The following KNTC1 variants were observed in gnomAD, a reference collection of about 807,000 sequenced individuals.
KNTC1 encodes the protein kinetochore-associated protein 1.
KNTC1 carries 253 observed loss-of-function variants against 314.4 expected under a neutral mutation model. That is an observed-to-expected ratio of 0.80 (90% CI 0.73 to 0.89). The LOEUF (loss-of-function observed/expected upper bound fraction) is 0.89. KNTC1 is among the 40% of genes least tolerant of loss of function. The pLI, the probability that KNTC1 is intolerant of heterozygous loss-of-function variation, is 0.00. For synonymous variants in KNTC1, 901 were observed against 901.4 expected, an observed-to-expected ratio of 1.00 and a Z score of 0.01; for missense variants, 2,475 against 2,572.9, an observed-to-expected ratio of 0.96 and a Z score of 0.82.
chr12:122,594,510 C>A, intron 43 of KNTC1, 125 bp downstream of exon 43: 1 of 618,110 alleles, frequency 1.6e-6, no homozygotes, highest in Non-Finnish European at 2.9e-6. Context: ...TGCTCATTCC[C>A]AAACTGAGTA....
At chr12:122,566,703 C>T (rs1022670556) in intron 20 of KNTC1, among the ~76,000 whole-genome samples, 10 of 151,562 alleles carry the variant, frequency 6.6e-5, no homozygotes, top group African/African-American at 2.4e-4. Context: ...GCCACTGCAC[C>T]CAGCCAACTT....
chr12:122,566,772 T>TC (rs1964374795), intron 20 of KNTC1, among the ~76,000 whole-genome samples: 1 of 145,348 alleles, frequency 6.9e-6, no homozygotes, highest in Non-Finnish European at 1.5e-5. Flanking sequence ...TTTTTTTTTT[T>TC]TTTTTTTGAG....
intron 12 of KNTC1, 89 bp downstream of exon 12, chr12:122,548,058 A>G: frequency 2.9e-6 from 2 of 694,778 alleles, no homozygotes; most frequent in Non-Finnish European, 4.6e-6. Context: ...ATAGTACAGC[A>G]TATTAGCTCT....
intron 30 of KNTC1, 43 bp from the exon 31 acceptor site, chr12:122,577,629 C>G: frequency 6.3e-7 from 1 of 1,575,070 alleles, no homozygotes; most frequent in Non-Finnish European, 8.6e-7. Flanking sequence ...CCGTCCTTTG[C>G]AAATACCAGC....
intron 3 of KNTC1, 111 bp from the exon 4 acceptor site, chr12:122,538,228 A>T (rs1962002018): frequency 3.2e-6 from 2 of 627,944 alleles, no homozygotes; most frequent in Non-Finnish European, 5.7e-6. Context: ...TGCAGTATTT[A>T]GAAGTAACTT....
rs915821180 is a variant in KNTC1 at position 122,602,757 on chromosome 12, T to A, written c.4825+17T>A. On this transcript the variant is annotated intron_variant, in intron 46 of 63. Coordinates refer to ENST00000333479, the MANE Select transcript of KNTC1 (RefSeq NM_014708.6). ...AAATTCTCTGTATGTGTTCATTAACTTTTTATGAATTTTACTGGATAGCCA... is the reference window on the plus strand; with the variant it reads ...AAATTCTCTGTATGTGTTCATTAACATTTTATGAATTTTACTGGATAGCCA... 6.2e-7 allele frequency: 1 copy of A among 1,612,144 alleles called. No homozygotes were observed.
At chr12:122,572,337 G>A (rs1351237394) in intron 24 of KNTC1, among the ~76,000 whole-genome samples, 2 of 152,094 alleles carry the variant, frequency 1.3e-5, no homozygotes, top group Non-Finnish European at 2.9e-5. Flanking sequence ...AGAGGTTGCA[G>A]TGAGCCGAGA....
At chr12:122,547,831 A>G (rs1962903951) in intron 11 of KNTC1, 84 bp from the exon 12 acceptor site, 1 of 789,646 alleles carries the variant, frequency 1.3e-6, no homozygotes, top group South Asian at 1.9e-5. Context: ...GGCAAAGCCT[A>G]CTTTTTTAAT....
rs750742100 is a variant in KNTC1 at position 122,585,705 on chromosome 12, A to G, written c.3604A>G (p.Ile1202Val). The G allele has an allele frequency of 1.9e-6, 3 of 1,613,552 alleles. No individual in the cohort carries two copies. The South Asian group carries it at 3.3e-5, about 18-fold the overall frequency. The change falls in exon 37 of 64, where the codon ATT becomes GTT. Residue 1202 changes from isoleucine (I) to valine (V), a missense_variant. Physicochemically the swap from Ile to Val is conservative, Grantham distance 29. Transcript: ENST00000333479. Reference protein sequence around the residue: ...SYSDFFSEDGIVLESQMVLPV... With the variant: ...SYSDFFSEDGVVLESQMVLPV... ...CAGTGACTTCTTCAGTGAAGATGGA[A>G]TTGTTCTTGAGTCACAGATGGTGCT... is the stretch of plus-strand genomic sequence containing the variant.
intron 20 of KNTC1, among the ~76,000 whole-genome samples, 180 bp downstream of exon 20, chr12:122,562,879 T>C (rs796672969): frequency 1.6e-4 from 25 of 151,878 alleles, no homozygotes; most frequent in African/African-American, 6.0e-4. Context: ...CGTGGTGGCG[T>C]GCATCTGTAA....
At chr12:122,535,130 TA>T (rs1478494286) in intron 3 of KNTC1, among the ~76,000 whole-genome samples, 9 of 152,246 alleles carry the variant, frequency 5.9e-5, no homozygotes. Flanking sequence ...GGTATTTGCA[TA>T]TTTTTAGAAT....
intron 31 of KNTC1, among the ~76,000 whole-genome samples, 184 bp from the exon 32 acceptor site, chr12:122,579,721 G>T (rs901317228): frequency 2.6e-5 from 4 of 152,080 alleles, no homozygotes; most frequent in Admixed American, 2.6e-4. Flanking sequence ...ATATATCCAG[G>T]AGTTCATACT....
At chr12:122,617,974 T>A (rs1440856173) in intron 57 of KNTC1, among the ~76,000 whole-genome samples, 1 of 152,210 alleles carries the variant, frequency 6.6e-6, no homozygotes, top group Non-Finnish European at 1.5e-5. Flanking sequence ...TTATCTAATT[T>A]CAGAACATTT....
intron 31 of KNTC1, 22 bp from the exon 32 acceptor site, chr12:122,579,883 C>T (rs549458829): frequency 1.2e-5 from 19 of 1,550,156 alleles, no homozygotes; most frequent in South Asian, 7.9e-5. Flanking sequence ...GATTTTATTT[C>T]GCTTTATTTA....
chr12:122,613,301 C>A, intron 54 of KNTC1, 71 bp downstream of exon 54: 3 of 1,034,312 alleles, frequency 2.9e-6, no homozygotes, highest in Non-Finnish European at 4.4e-6. Context: ...ACCTTTTAAG[C>A]CCTGAATTCA....
intron 63 of KNTC1, among the ~76,000 whole-genome samples, chr12:122,625,454 C>T (rs1874925464): frequency 6.6e-6 from 1 of 151,784 alleles, no homozygotes; most frequent in Non-Finnish European, 1.5e-5. Flanking sequence ...GTAATCCCAG[C>T]TACTAGGGAA....
chr12:122,604,187 T>C (rs1233379633), intron 48 of KNTC1, among the ~76,000 whole-genome samples: 1 of 149,942 alleles, frequency 6.7e-6, no homozygotes, highest in Non-Finnish European at 1.5e-5. Context: ...TTTTTTTTTT[T>C]TTTTTAACAG....
At chr12:122,566,168 C>G (rs1964324471) in intron 20 of KNTC1, among the ~76,000 whole-genome samples, 1 of 151,702 alleles carries the variant, frequency 6.6e-6, no homozygotes, top group Non-Finnish European at 1.5e-5. Flanking sequence ...GCCTCGAACT[C>G]CTGACCTCGT....
chr12:122,610,699 A>G (rs990204542), intron 52 of KNTC1, 123 bp from the exon 53 acceptor site: 15 of 641,940 alleles, frequency 2.3e-5, no homozygotes, highest in Non-Finnish European at 3.8e-5. Flanking sequence ...TCATTGACCC[A>G]TTATCCTTCT....
Sources: allele counts gnomAD v4.1 joint callset (sites outside exome capture counted in the v4.1 genomes callset), GRCh38; gene constraint gnomAD v4.1.1; transcripts MANE v1.5; gene names NCBI Gene and HGNC (gene_info 2026-07-23, HGNC 2026-07-21).